ADORA2B: variants seen among roughly 807,000 people sequenced by gnomAD.
The protein encoded by ADORA2B is adenosine A2b receptor.
In ADORA2B, 18 loss-of-function variants were observed where a neutral mutation model predicts 20.8. That is an observed-to-expected ratio of 0.87 (90% CI 0.60 to 1.29). The LOEUF (loss-of-function observed/expected upper bound fraction) is 1.29, where lower values mean the gene tolerates loss of function less well. Ranked by LOEUF, ADORA2B falls within the 50% of genes most tolerant of loss-of-function variation. ADORA2B has a pLI of 0.00. For synonymous variants in ADORA2B, 179 were observed against 178.3 expected (o/e 1.00, Z -0.03); for missense variants, 441 against 422.7 (o/e 1.04, Z -0.38).
the ADORA2B span, among the ~76,000 whole-genome samples, chr17:15,934,797 TTA>T: frequency 6.6e-6 from 1 of 152,136 alleles, no homozygotes; most frequent in African/African-American, 2.4e-5. Flanking sequence ...TTTGTATTAA[TTA>T]ATTTATTTAT....
chr17:15,945,332 G>T lies in ADORA2B; in HGVS notation c.84G>T (p.Val28=). 6.2e-7 allele frequency: 1 copy of T among 1,601,090 alleles called. No homozygotes were observed. The highest frequency in any genetic ancestry group is 8.5e-7 in the Non-Finnish European group (1 of 1,176,586). Residue 28 remains valine (V), a synonymous_variant, in exon 1 of 2, where the codon GTG becomes GTT. Transcript: ENST00000304222. ...TTTCGGTGGCGGGCAACGTGCTGGT[G>T]TGCGCCGCGGTGGGCACGGCGAACA... ...AALSVAGNVL[V]CAAVGTANTL... is the part of the protein sequence containing the mutation.
chr17:15,952,224 T>G (rs1459862901), intron 1 of ADORA2B, among the ~76,000 whole-genome samples: 1 of 152,106 alleles, frequency 6.6e-6, no homozygotes, highest in African/African-American at 2.4e-5. Context: ...ACAGCATGGG[T>G]GTACACTGCA....
At chr17:15,871,152 C>T in the ADORA2B span, among the ~76,000 whole-genome samples, 1 of 152,212 alleles carries the variant, frequency 6.6e-6, no homozygotes, top group Non-Finnish European at 1.5e-5. Context: ...GTGGTGTGTG[C>T]ACTCCCAGAG....
At chr17:15,893,290 A>G in the ADORA2B span, among the ~76,000 whole-genome samples, 1 of 152,242 alleles carries the variant, frequency 6.6e-6, no homozygotes, top group Non-Finnish European at 1.5e-5. Flanking sequence ...TCTCTAAGGT[A>G]TTTATATCCT....
chr17:15,873,877 A>G, the ADORA2B span, among the ~76,000 whole-genome samples: 1 of 152,140 alleles, frequency 6.6e-6, no homozygotes, highest in Admixed American at 6.5e-5. Flanking sequence ...GTTTAATTCA[A>G]CAATCCTACT....
intron 1 of ADORA2B, among the ~76,000 whole-genome samples, chr17:15,961,989 C>T (rs1970047286): frequency 6.6e-6 from 1 of 152,158 alleles, no homozygotes; most frequent in African/African-American, 2.4e-5. Flanking sequence ...CAAATCACAG[C>T]AACCACGGTG....
the ADORA2B span, among the ~76,000 whole-genome samples, chr17:15,861,235 A>G: frequency 6.6e-6 from 1 of 152,364 alleles, no homozygotes; most frequent in African/African-American, 2.4e-5. Flanking sequence ...TAGGCAAAGT[A>G]CTTGAGAGTT....
the ADORA2B span, among the ~76,000 whole-genome samples, chr17:15,905,345 T>C: frequency 6.6e-6 from 1 of 152,132 alleles, no homozygotes; most frequent in African/African-American, 2.4e-5. Context: ...CAATTGTTCA[T>C]TTCTGGCATA....
At chr17:15,859,282 T>C in the ADORA2B span, among the ~76,000 whole-genome samples, 1 of 151,970 alleles carries the variant, frequency 6.6e-6, no homozygotes, top group Admixed American at 6.6e-5. Context: ...ACAGTGACAA[T>C]TGCTTGCTTC....
At chr17:15,881,478 G>A in the ADORA2B span, among the ~76,000 whole-genome samples, 1 of 152,154 alleles carries the variant, frequency 6.6e-6, no homozygotes, top group African/African-American at 2.4e-5. Flanking sequence ...CAGTTCAGAG[G>A]CATGAAGCAC....
Position 15,975,364 on chromosome 17 carries a change from GGAGAA to G in ADORA2B, c.*25_*29del. On this transcript the variant is annotated 3_prime_UTR_variant, in exon 2 of 2. Transcript: ENST00000304222. Reference sequence around the variant, plus strand: ...ATGATCTAGGCTCTCGCCTCTTCCAGGAGAAGATACAAATCCACAAGAAACAAAGA... The same window carrying G: ...ATGATCTAGGCTCTCGCCTCTTCCAGGATACAAATCCACAAGAAACAAAGA... 1 of 1,593,564 alleles carries G rather than the reference GGAGAA, an allele frequency of 6.3e-7. No homozygotes were observed. The highest frequency in any genetic ancestry group is 8.5e-7 in the Non-Finnish European group (1 of 1,171,766).
chr17:15,914,933 A>C, the ADORA2B span, among the ~76,000 whole-genome samples: 13,012 of 152,154 alleles, frequency 0.086, 1,570 homozygotes, highest in African/African-American at 0.27. Context: ...TTTCGTGACT[A>C]CCTCGGGCTG....
the ADORA2B span, among the ~76,000 whole-genome samples, chr17:15,905,929 C>T: frequency 2.0e-5 from 3 of 152,346 alleles, 1 homozygote; most frequent in Middle Eastern, 0.01. Flanking sequence ...GCTAGGATTA[C>T]AGGCGTGAGC....
rs114902207 is a variant in ADORA2B, at chr17:15,954,469, C to T, written c.335+8886C>T. ...CCTCCTCACCCCTTTGCTATGTGTG[C>T]CACACAGCCGCTAGGGCTTCCTTTA... On this transcript the variant is annotated intron_variant, in intron 1 of 1. Transcript: ENST00000304222. Among the ~76,000 whole-genome samples the T allele has an allele frequency of 6.9e-3, 1,046 of 152,320 alleles. 12 individuals carry two copies. The highest frequency in any genetic ancestry group is 0.024 in the African/African-American group (1,016 of 41,562).
the ADORA2B span, among the ~76,000 whole-genome samples, chr17:15,897,582 AC>A: frequency 6.6e-6 from 1 of 151,050 alleles, no homozygotes; most frequent in African/African-American, 2.4e-5. Context: ...ACAAAACAAA[AC>A]CCCCCCACAA....
intron 1 of ADORA2B, among the ~76,000 whole-genome samples, chr17:15,956,500 C>G (rs1220796388): frequency 6.6e-6 from 1 of 151,866 alleles, no homozygotes; most frequent in Non-Finnish European, 1.5e-5. Context: ...TGCTGATGAT[C>G]CTGTCCACCT....
the ADORA2B span, among the ~76,000 whole-genome samples, chr17:15,919,478 G>T: frequency 6.6e-6 from 1 of 152,166 alleles, no homozygotes; most frequent in Non-Finnish European, 1.5e-5. Context: ...TTCCTTCAGG[G>T]CCATCATCAG....
the ADORA2B span, among the ~76,000 whole-genome samples, chr17:15,921,625 G>A: frequency 5.9e-5 from 9 of 152,064 alleles, no homozygotes; most frequent in African/African-American, 9.7e-5. Flanking sequence ...ATCAGCACAC[G>A]TCAGTATCAG....
chr17:15,921,478 A>G, the ADORA2B span, among the ~76,000 whole-genome samples: 1 of 152,234 alleles, frequency 6.6e-6, no homozygotes, highest in African/African-American at 2.4e-5. Flanking sequence ...TAATCGTGTA[A>G]ATGTTGTTTT....
Sources: gnomAD v4.1 joint callset for allele counts (sites outside exome capture counted in the v4.1 genomes callset) on GRCh38, gnomAD v4.1.1 for gene constraint, MANE v1.5 for transcripts, NCBI Gene and HGNC (gene_info 2026-07-23, HGNC 2026-07-21) for gene names.